The following UBALD2 variants were observed in gnomAD, a reference collection of about 807,000 sequenced individuals.
UBALD2 encodes UBA-like domain-containing protein 2.
Under a neutral mutation model 15.9 loss-of-function variants are expected in UBALD2, and 8 were observed. The observed-to-expected ratio is 0.50, with a 90% CI of 0.29 to 0.91. UBALD2 has a LOEUF of 0.91. Among genes scored for constraint, UBALD2 ranks in the 40% least tolerant of loss-of-function variants. UBALD2 has a pLI of 0.07. For missense variants in UBALD2, 178 were observed against 234.8 expected (o/e 0.76, Z 1.58); for synonymous variants, 113 against 97.7 (o/e 1.16, Z -0.93).
At chr17:76,266,967 G>T (rs4789264) in intron 2 of UBALD2, among the ~76,000 whole-genome samples, 66,172 of 151,994 alleles carry the variant, frequency 0.44, 16,417 homozygotes, top group African/African-American at 0.68. Context: ...TCTTGACCTT[G>T]TTAGCTAGTT....
At chr17:76,267,179 C>G (rs1490544947) in intron 2 of UBALD2, among the ~76,000 whole-genome samples, 2 of 152,136 alleles carry the variant, frequency 1.3e-5, no homozygotes, top group African/African-American at 4.8e-5. Flanking sequence ...CTCCTGTCAC[C>G]GGATCCTTGA....
chr17:76,265,851 C>T, intron 1 of UBALD2, 56 bp from the exon 2 acceptor site: 26 of 1,557,530 alleles, frequency 1.7e-5, no homozygotes, highest in Non-Finnish European at 2.3e-5. Flanking sequence ...GGGGCCCAGC[C>T]GCTGCGTTTC....
At position 76,265,539 on chromosome 17, in the gene UBALD2, G is replaced by T; in HGVS notation, c.34G>T (p.Val12Phe). The T allele has an allele frequency of 7.5e-7, 1 of 1,330,442 alleles. No homozygotes were observed. The highest frequency in any genetic ancestry group is 9.8e-7 in the Non-Finnish European group (1 of 1,016,206). The allele number at this position is 1,330,442 out of a possible 1,614,324, so 82.4% of individuals were successfully genotyped here. Residue 12 changes from valine to phenylalanine, a missense_variant, in exon 1 of 3, where the codon GTC (valine) becomes TTC (phenylalanine). Val to Phe is a conservative substitution (Grantham distance 50). Coordinates refer to ENST00000327490, the MANE Select transcript of UBALD2 (RefSeq NM_182565.4). ...GAACATGGACGAGCTGCGGCACCAGGTCATGATCAACCAGTTCGTGCTGGC... is the reference window on the plus strand; with the variant it reads ...GAACATGGACGAGCTGCGGCACCAGTTCATGATCAACCAGTTCGTGCTGGC... ...SVNMDELRHQ[V>F]MINQFVLAAG...
chr17:76,265,509 T>A lies in UBALD2; in HGVS notation c.4T>A (p.Ser2Thr). The A allele has an allele frequency of 8.0e-7, 1 of 1,253,430 alleles. No homozygotes were observed. Among genetic ancestry groups the A allele is most frequent in the Non-Finnish European group, 1.0e-6 (1 of 974,512 alleles). The allele number at this position is 1,253,430 out of a possible 1,614,324, so 77.6% of individuals were successfully genotyped here. A position where few individuals can be genotyped will look rare whatever the true frequency, so the allele number is the denominator to read the frequency against. M[S>T]VNMDELRHQV... ...GGGCCCCGCGCCGCGCCGCGCCATG[T>A]CGGTGAACATGGACGAGCTGCGGCA... Residue 2 changes from serine to threonine, a missense_variant, in exon 1 of 3, where the codon TCG becomes ACG. Ser to Thr is a moderately conservative substitution (Grantham distance 58). Coordinates refer to ENST00000327490, the MANE Select transcript of UBALD2 (RefSeq NM_182565.4).
intron 2 of UBALD2, among the ~76,000 whole-genome samples, chr17:76,268,816 C>T (rs1350617086): frequency 6.6e-6 from 1 of 151,010 alleles, no homozygotes; most frequent in African/African-American, 2.5e-5. Flanking sequence ...TCACTACAAC[C>T]TCCACCTCCC....
chr17:76,267,490 CTTTTTTTTTTT>C (rs55819046), intron 2 of UBALD2, among the ~76,000 whole-genome samples: 2 of 115,162 alleles, frequency 1.7e-5, no homozygotes, highest in Non-Finnish European at 3.5e-5. Flanking sequence ...TTCATGGTTT[CTTTTTTTTTTT>C]TTTTTTTTTT....
intron 1 of UBALD2, 28 bp from the exon 2 acceptor site, chr17:76,265,879 G>A: frequency 6.3e-7 from 1 of 1,593,142 alleles, no homozygotes; most frequent in Non-Finnish European, 8.5e-7. Context: ...CGCCTGGCCC[G>A]CCGTGTCACT....
intron 2 of UBALD2, among the ~76,000 whole-genome samples, chr17:76,267,092 G>A (rs2143058313): frequency 6.6e-6 from 1 of 152,246 alleles, no homozygotes; most frequent in East Asian, 1.9e-4. Flanking sequence ...TCATCTCCAG[G>A]GGACACCGTC....
intron 2 of UBALD2, 111 bp downstream of exon 2, chr17:76,266,080 T>G: frequency 2.9e-6 from 4 of 1,356,496 alleles, no homozygotes; most frequent in Non-Finnish European, 4.0e-6. Context: ...CCAAAATGTC[T>G]TCCAGGAAAG....
rs79101578 is a variant in UBALD2, at chr17:76,269,984, C to T, written c.184-210C>T. Among the ~76,000 whole-genome samples, 367 of 152,292 alleles carry T rather than the reference C, an allele frequency of 2.4e-3. 1 individual carries two copies. Among genetic ancestry groups the T allele is most frequent in the African/African-American group, 8.0e-3 (333 of 41,556 alleles). On this transcript the variant is annotated intron_variant, in intron 2 of 2. Coordinates refer to ENST00000327490, the MANE Select transcript of UBALD2 (RefSeq NM_182565.4). The surrounding 1 kb of genome is among the most constrained non-coding windows in gnomAD (Gnocchi z 4.6). The stretch of plus-strand genomic sequence containing the variant: ...GTCATTTCCAGGCCTCATGAAACCC[C>T]GTTGGTTTTGATAAGGTTCTTGGGT...
intron 2 of UBALD2, among the ~76,000 whole-genome samples, chr17:76,268,489 G>GGT (rs1439085275): frequency 1.1e-5 from 1 of 88,122 alleles, no homozygotes; most frequent in African/African-American, 1.4e-4. Flanking sequence ...CCCAGAGGGT[G>GGT]GGGGGGGGGC....
At chr17:76,265,650 C>T in intron 1 of UBALD2, 25 bp downstream of exon 1, 2 of 1,135,168 alleles carry the variant, frequency 1.8e-6, no homozygotes, top group Admixed American at 5.0e-5. Flanking sequence ...GCCGCGGGGC[C>T]GGGCCGCGGG....
rs937328358 is a variant in UBALD2 at position 76,269,883 on chromosome 17, C to T, written c.184-311C>T. On this transcript the variant is annotated intron_variant, in intron 2 of 2. Transcript: ENST00000327490. This position sits in a 1 kb window ranked among gnomAD's most constrained non-coding sequence, Gnocchi z 4.6. ...GGAACAGTGGTGTCCTGGGCTGCCC[C>T]CTTGCCCTTTCACTTTAATCTGACA... 2.0e-5 allele frequency among the ~76,000 whole-genome samples: 3 copies of T among 152,192 alleles called. No homozygotes were observed. The highest frequency in any genetic ancestry group is 7.2e-5 in the African/African-American group (3 of 41,446).
Position 76,265,576 on chromosome 17 carries a change from C to T in UBALD2, c.71C>T (p.Ala24Val), listed in dbSNP as rs1407939983. Residue 24 changes from alanine to valine, a missense_variant, in exon 1 of 3, where the codon GCG (alanine) becomes GTG (valine). Coordinates refer to ENST00000327490, the MANE Select transcript of UBALD2 (RefSeq NM_182565.4). ...INQFVLAAGCAADQAKQLLQA... is the reference protein window; with the variant it reads ...INQFVLAAGCVADQAKQLLQA... The stretch of plus-strand genomic sequence containing the variant: ...CAGTTCGTGCTGGCCGCGGGCTGCG[C>T]GGCCGACCAGGCGAAGCAGTTGCTG... The T allele has an allele frequency of 1.5e-6, 2 of 1,337,770 alleles. No homozygotes were observed. Among genetic ancestry groups the T allele is most frequent in the Non-Finnish European group, 9.8e-7 (1 of 1,020,764 alleles). 82.9% of individuals were successfully genotyped at this position (1,337,770 alleles called of 1,614,324 possible).
At chr17:76,267,201 ACCAGCTGTGG>A (rs1481667180) in intron 2 of UBALD2, among the ~76,000 whole-genome samples, 1 of 151,954 alleles carries the variant, frequency 6.6e-6, no homozygotes, top group Non-Finnish European at 1.5e-5. Context: ...ATTTCCTTCC[ACCAGCTGTGG>A]CCATCCCAAA....
intron 1 of UBALD2, 114 bp downstream of exon 1, chr17:76,265,739 G>A: frequency 1.5e-6 from 2 of 1,314,934 alleles, no homozygotes; most frequent in Non-Finnish European, 1.9e-6. Context: ...CCCGCGAGCG[G>A]GTCTTACGCG....
In UBALD2 at chr17:76,270,311, G is replaced by A. The variant is rs760072344; in HGVS notation, c.301G>A (p.Ala101Thr). ...GAGCAGCAACAGCCCCATGACAGCC[G>A]CAGCCTGCTCCCCACCTGCAAACTT... ...LQSSNSPMTAAACSPPANFSP... is the reference protein window; with the variant it reads ...LQSSNSPMTATACSPPANFSP... Residue 101 changes from alanine to threonine, a missense_variant, in exon 3 of 3, where the codon GCA (alanine) becomes ACA (threonine). Physicochemically the swap from Ala to Thr is moderately conservative, Grantham distance 58. Coordinates refer to ENST00000327490, the MANE Select transcript of UBALD2 (RefSeq NM_182565.4). 105 of 1,608,946 alleles carry A rather than the reference G, an allele frequency of 6.5e-5. 2 individuals carry two copies. The Admixed American group carries it at 1.3e-3, about 20-fold the overall frequency.
rs200206965 is a variant in UBALD2 at position 76,270,265 on chromosome 17, C to A, written c.255C>A (p.Leu85=). The change falls in exon 3 of 3, where the codon CTC becomes CTA. Residue 85 remains leucine, a synonymous_variant. Coordinates refer to ENST00000327490, the MANE Select transcript of UBALD2 (RefSeq NM_182565.4). ...FPDALAMFSK[L]RASEGLQSSN... Reference sequence around the variant, plus strand: ...ATGCGCTGGCCATGTTCTCCAAGCTCCGCGCCTCCGAGGGCCTGCAGAGCA... The same window carrying A: ...ATGCGCTGGCCATGTTCTCCAAGCTACGCGCCTCCGAGGGCCTGCAGAGCA... 5.4e-4 allele frequency: 877 copies of A among 1,612,400 alleles called. No homozygotes were observed. The highest frequency in any genetic ancestry group is 7.2e-4 in the Non-Finnish European group (849 of 1,179,926).
In UBALD2 at chr17:76,269,781, C is replaced by G. The variant is rs1360042341; in HGVS notation, c.184-413C>G. On this transcript the variant is annotated intron_variant, in intron 2 of 2. Coordinates refer to ENST00000327490, the MANE Select transcript of UBALD2 (RefSeq NM_182565.4). This position sits in a 1 kb window ranked among gnomAD's most constrained non-coding sequence, Gnocchi z 4.6. ...GGAGAGCCTCCCCGCTGGCCGCTCT[C>G]CCTTGCCTAGCAGCCTGGGAGCATC... Among the ~76,000 whole-genome samples the G allele has an allele frequency of 6.6e-6, 1 of 152,166 alleles. No individual in the cohort carries two copies. Among genetic ancestry groups the G allele is most frequent in the Non-Finnish European group, 1.5e-5 (1 of 68,022 alleles).
Sources: gnomAD v4.1 joint callset for allele counts (sites outside exome capture counted in the v4.1 genomes callset) on GRCh38, gnomAD v4.1.1 for gene constraint, Gnocchi (gnomAD v3.1) non-coding constraint, MANE v1.5 for transcripts, NCBI Gene and HGNC (gene_info 2026-07-23, HGNC 2026-07-21) for gene names.